Variants in LAMA2 observed in about 807,000 individuals in gnomAD.
LAMA2 encodes laminin subunit alpha-2.
A neutral mutation model predicts 364.8 loss-of-function variants in LAMA2; 269 were observed. The observed-to-expected ratio is 0.74, with a 90% CI of 0.67 to 0.82. LAMA2 has a LOEUF of 0.82. Among genes scored for constraint, LAMA2 ranks in the 40% least tolerant of loss-of-function variants. The probability of loss-of-function intolerance (pLI) is 0.00; values close to 1 mark genes in which losing one functional copy is unlikely to be tolerated. For synonymous variants in LAMA2, 1,379 were observed against 1,370.6 expected (o/e 1.01, Z -0.14); for missense variants, 3,807 against 3,873.2 (o/e 0.98, Z 0.45).
intron 1 of LAMA2, among the ~76,000 whole-genome samples, chr6:129,012,958 G>A (rs1483139127): frequency 6.6e-6 from 1 of 152,128 alleles, no homozygotes; most frequent in Non-Finnish European, 1.5e-5. Flanking sequence ...ATTCCTCAAT[G>A]AGCAGCTGAA....
intron 4 of LAMA2, among the ~76,000 whole-genome samples, chr6:129,102,947 C>T (rs1390293886): frequency 1.3e-5 from 2 of 152,212 alleles, no homozygotes; most frequent in East Asian, 1.9e-4. Flanking sequence ...TCCAAGCCAG[C>T]GTGTGTGGGA....
chr6:129,500,819 T>C (rs1228139119), intron 58 of LAMA2, among the ~76,000 whole-genome samples: 1 of 152,186 alleles, frequency 6.6e-6, no homozygotes, highest in Non-Finnish European at 1.5e-5. Context: ...AGTGTACAAC[T>C]GCCACCTTGA....
chr6:129,442,742 T>C (rs2114769383), intron 43 of LAMA2: 2 of 380,460 alleles, frequency 5.3e-6, no homozygotes, highest in South Asian at 2.4e-5. Context: ...GTAGTGGCCT[T>C]TTGTCATATC....
intron 51 of LAMA2, among the ~76,000 whole-genome samples, chr6:129,466,762 C>T (rs1299432549): frequency 2.0e-5 from 3 of 151,798 alleles, no homozygotes; most frequent in East Asian, 1.9e-4. Flanking sequence ...ATAGCCTACA[C>T]GAATGAATGT....
intron 1 of LAMA2, among the ~76,000 whole-genome samples, chr6:128,905,989 A>AT (rs1777436550): frequency 6.7e-6 from 1 of 150,176 alleles, no homozygotes; most frequent in South Asian, 2.1e-4. Context: ...GCTGCATAGT[A>AT]TTCCATGGTG....
At chr6:129,494,950 T>C (rs1308711273) in intron 58 of LAMA2, among the ~76,000 whole-genome samples, 1 of 152,172 alleles carries the variant, frequency 6.6e-6, no homozygotes, top group Non-Finnish European at 1.5e-5. Flanking sequence ...TGTCCACTTA[T>C]AAAAATGTTT....
intron 56 of LAMA2, 125 bp from the exon 57 acceptor site, chr6:129,491,776 C>A: frequency 1.3e-6 from 1 of 751,998 alleles, no homozygotes; most frequent in Non-Finnish European, 2.3e-6. Flanking sequence ...AATTCCTAAG[C>A]ATCCAATTTT....
At position 129,252,156 on chromosome 6, in the gene LAMA2, T is replaced by C. The variant is rs1786303334; in HGVS notation, c.1957T>C (p.Leu653=). ...LHPSEEHTNV[L]LLKEESFTIH... is the part of the protein sequence containing the mutation. ...CCCATCTGAAGAACATACTAATGTA[T>C]TGTTACTTAAAGAAGAATCATTTAC... Residue 653 remains leucine, a synonymous_variant, in exon 14 of 65, where the codon TTG becomes CTG. Transcript: ENST00000421865. 1 of 1,613,178 alleles carries C rather than the reference T, an allele frequency of 6.2e-7. No individual in the cohort carries two copies. Among genetic ancestry groups the C allele is most frequent in the East Asian group, 2.2e-5 (1 of 44,844 alleles).
intron 12 of LAMA2, among the ~76,000 whole-genome samples, chr6:129,200,418 ACG>A (rs1428681534): frequency 1.3e-5 from 2 of 148,476 alleles, no homozygotes; most frequent in Non-Finnish European, 3.0e-5. Flanking sequence ...ATATACATAT[ACG>A]TGTATATGTG....
At chr6:129,162,706 A>G (rs1228758558) in intron 8 of LAMA2, among the ~76,000 whole-genome samples, 2 of 151,992 alleles carry the variant, frequency 1.3e-5, no homozygotes, top group East Asian at 3.9e-4. Flanking sequence ...AATTCACTAG[A>G]TGATTTCAAA....
intron 4 of LAMA2, among the ~76,000 whole-genome samples, chr6:129,134,139 T>G (rs1777653624): frequency 6.6e-6 from 1 of 152,252 alleles, no homozygotes; most frequent in African/African-American, 2.4e-5. Context: ...GACTTTCAAG[T>G]GTACTGATTG....
Position 129,186,106 on chromosome 6 carries a change from T to G in LAMA2, c.1468-4099T>G, listed in dbSNP as rs1781213194. On this transcript the variant is annotated intron_variant, in intron 10 of 64. Coordinates refer to ENST00000421865, the MANE Select transcript of LAMA2 (RefSeq NM_000426.4). Reference sequence around the variant, plus strand: ...GCTTCCCAGTAGGAATGCTGAGAGGTTTAATAGATTAGACTCCATTTTGTT... The same window carrying G: ...GCTTCCCAGTAGGAATGCTGAGAGGGTTAATAGATTAGACTCCATTTTGTT... Among the ~76,000 whole-genome samples, 4 of 151,602 alleles carry G rather than the reference T, an allele frequency of 2.6e-5. No individual in the cohort carries two copies. In the South Asian group the frequency reaches 8.3e-4, roughly 31 times the overall value.
chr6:129,419,854 T>A (rs1364874455), intron 40 of LAMA2, among the ~76,000 whole-genome samples: 1 of 152,162 alleles, frequency 6.6e-6, no homozygotes, highest in Non-Finnish European at 1.5e-5. Flanking sequence ...AAGCCGTCTC[T>A]TTGGGGTGTT....
intron 1 of LAMA2, among the ~76,000 whole-genome samples, chr6:128,928,065 G>A (rs896020057): frequency 9.8e-5 from 15 of 152,288 alleles, no homozygotes; most frequent in South Asian, 4.1e-4. Flanking sequence ...AGGAATCAAT[G>A]TACATTCAGC....
chr6:129,349,223 G>T, intron 30 of LAMA2, 75 bp from the exon 31 acceptor site: 1 of 1,152,990 alleles, frequency 8.7e-7, no homozygotes, highest in South Asian at 1.2e-5. Context: ...CAATAACCTT[G>T]ATCATGGATA....
At chr6:129,172,833 GC>G (rs758397939) in intron 9 of LAMA2, among the ~76,000 whole-genome samples, 29 of 152,350 alleles carry the variant, frequency 1.9e-4, no homozygotes, top group Non-Finnish European at 3.4e-4. Context: ...GACTCCATGG[GC>G]GTAGGACCCT....
At chr6:129,077,470 AT>A (rs67051537) in intron 3 of LAMA2, among the ~76,000 whole-genome samples, 3 of 152,072 alleles carry the variant, frequency 2.0e-5, no homozygotes, top group Non-Finnish European at 4.4e-5. Context: ...GACTTTGCAG[AT>A]TTTTTTGTAA....
At chr6:129,378,251 T>G (rs1030243615) in intron 34 of LAMA2, among the ~76,000 whole-genome samples, 2 of 152,162 alleles carry the variant, frequency 1.3e-5, no homozygotes, top group African/African-American at 2.4e-5. Flanking sequence ...AGATGGTAAT[T>G]TAATAAAACA....
intron 18 of LAMA2, among the ~76,000 whole-genome samples, chr6:129,283,189 T>A (rs988170261): frequency 1.3e-5 from 2 of 152,128 alleles, no homozygotes; most frequent in Non-Finnish European, 2.9e-5. Flanking sequence ...ATACCTTTGC[T>A]AAGATTCTAG....
Sources: allele counts gnomAD v4.1 joint callset (sites outside exome capture counted in the v4.1 genomes callset), GRCh38; gene constraint gnomAD v4.1.1; transcripts MANE v1.5; gene names NCBI Gene and HGNC (gene_info 2026-07-23, HGNC 2026-07-21).